The following DENND2A variants were observed in gnomAD, a reference collection of about 807,000 sequenced individuals.
DENND2A encodes DENN domain-containing protein 2A.
A neutral mutation model predicts 105.3 loss-of-function variants in DENND2A; 53 were observed. The ratio of observed to expected loss-of-function variants is 0.50; its 90% CI spans 0.40 to 0.63. The LOEUF is 0.63. Among genes scored for constraint, DENND2A ranks in the 30% least tolerant of loss-of-function variants. The pLI is 0.00. For synonymous variants in DENND2A, 522 were observed against 508.4 expected, an observed-to-expected ratio of 1.03 and a Z score of -0.36; for missense variants, 1,138 against 1,279.6, an observed-to-expected ratio of 0.89 and a Z score of 1.69.
rs555596416 is a variant in DENND2A at position 140,633,616 on chromosome 7, C to T, written c.-248+6888G>A. Reference sequence around the variant, plus strand: ...GGGAAGTGTGAGGGAGAGAGAGAGGCCCTTGAAATTGCTTTGCTAGGTTGG... The same window carrying T: ...GGGAAGTGTGAGGGAGAGAGAGAGGTCCTTGAAATTGCTTTGCTAGGTTGG... On this transcript the variant is annotated intron_variant, in intron 1 of 19. Coordinates refer to ENST00000496613, the MANE Select transcript of DENND2A (RefSeq NM_015689.5). 5.3e-5 allele frequency among the ~76,000 whole-genome samples: 8 copies of T among 152,190 alleles called. No individual in the cohort carries two copies. In the South Asian group the frequency reaches 1.5e-3, roughly 28 times the overall value.
chr7:140,587,264 A>C (rs1199979231), intron 4 of DENND2A, among the ~76,000 whole-genome samples: 7 of 152,172 alleles, frequency 4.6e-5, no homozygotes, highest in Admixed American at 4.6e-4. Flanking sequence ...AGCTAGCTTC[A>C]TCCTCATTAT....
At chr7:140,586,737 C>T (rs1278950206) in intron 4 of DENND2A, among the ~76,000 whole-genome samples, 1 of 152,196 alleles carries the variant, frequency 6.6e-6, no homozygotes, top group Non-Finnish European at 1.5e-5. Flanking sequence ...AGCCCATCTC[C>T]AGCAGCCTGG....
intron 12 of DENND2A, among the ~76,000 whole-genome samples, chr7:140,553,635 G>T (rs1797233385): frequency 6.6e-6 from 1 of 152,154 alleles, no homozygotes; most frequent in African/African-American, 2.4e-5. Context: ...CTAGGCAGAG[G>T]TCCCTGCGGC....
intron 6 of DENND2A, among the ~76,000 whole-genome samples, chr7:140,569,991 T>G (rs1488824189): frequency 5.3e-5 from 8 of 152,034 alleles, no homozygotes; most frequent in Non-Finnish European, 1.0e-4. Flanking sequence ...AACTTCTGGG[T>G]TCAAGAGATT....
rs771681826 is a variant in DENND2A, at chr7:140,555,665, G to A, written c.2008C>T (p.Arg670Cys). The change falls in exon 12 of 20, where the codon CGC (arginine) becomes TGC (cysteine). Residue 670 changes from arginine to cysteine, a missense_variant. Coordinates refer to ENST00000496613, the MANE Select transcript of DENND2A (RefSeq NM_015689.5). ...RLPEVYCIVSRLGCFSLFSRI... is the reference protein window; with the variant it reads ...RLPEVYCIVSCLGCFSLFSRI... ...GAAAAGAGGCTGAAGCATCCCAGGCGGCTCACAATGCAGTAAACTTCAGGA... is the reference window on the plus strand; with the variant it reads ...GAAAAGAGGCTGAAGCATCCCAGGCAGCTCACAATGCAGTAAACTTCAGGA... 21 of 1,608,870 alleles carry A rather than the reference G, an allele frequency of 1.3e-5. No homozygotes were observed. The highest frequency in any genetic ancestry group is 4.0e-5 in the African/African-American group (3 of 74,472).
chr7:140,518,540 G>C lies in DENND2A; in HGVS notation c.*167C>G. The stretch of plus-strand genomic sequence containing the variant: ...CTTTCTGGGGCTGTCCTCCCAGGCG[G>C]CTCCCAGGTCCTCATCCAGGGAAGA... On this transcript the variant is annotated 3_prime_UTR_variant, in exon 20 of 20. Coordinates refer to ENST00000496613, the MANE Select transcript of DENND2A (RefSeq NM_015689.5). The C allele has an allele frequency of 1.8e-6, 1 of 564,636 alleles. No homozygotes were observed. The highest frequency in any genetic ancestry group is 3.2e-5 in the East Asian group (1 of 31,342). The allele number at this position is 564,636 out of a possible 1,614,324, so 35.0% of individuals were successfully genotyped here.
rs369271982 is a variant in DENND2A at position 140,544,588 on chromosome 7, C to T, written c.2327+30G>A. On this transcript the variant is annotated intron_variant, in intron 14 of 19. Transcript: ENST00000496613. ...GGTCCAAGAGCGACTGTCATTCAAACGCTTTAGCAGAAGTAGCCAAGGCGG... is the reference window on the plus strand; with the variant it reads ...GGTCCAAGAGCGACTGTCATTCAAATGCTTTAGCAGAAGTAGCCAAGGCGG... 1,500 of 1,613,998 alleles carry T rather than the reference C, an allele frequency of 9.3e-4. 6 individuals carry two copies. The Middle Eastern group carries it at 0.013, about 14-fold the overall frequency.
chr7:140,521,772 G>A (rs1795867781), intron 18 of DENND2A, 83 bp downstream of exon 18: 1 of 1,573,456 alleles, frequency 6.4e-7, no homozygotes, highest in African/African-American at 1.3e-5. Context: ...CCCCTGCCCT[G>A]TGATCTTTCT....
chr7:140,564,444 G>C (rs1490659838), intron 9 of DENND2A, among the ~76,000 whole-genome samples: 2 of 152,108 alleles, frequency 1.3e-5, no homozygotes, highest in African/African-American at 4.8e-5. Flanking sequence ...TATTAAATAT[G>C]CTTATAAATA....
chr7:140,591,775 C>G (rs1799040205), intron 3 of DENND2A, among the ~76,000 whole-genome samples: 1 of 145,576 alleles, frequency 6.9e-6, no homozygotes, highest in Admixed American at 7.1e-5. Context: ...CTTTTCTTTC[C>G]TTCCTTTCTT....
At chr7:140,547,662 T>C (rs1367499752) in intron 12 of DENND2A, among the ~76,000 whole-genome samples, 2 of 152,162 alleles carry the variant, frequency 1.3e-5, no homozygotes, top group Non-Finnish European at 2.9e-5. Context: ...AAAACATATA[T>C]GTTCACATAA....
intron 1 of DENND2A, among the ~76,000 whole-genome samples, chr7:140,613,539 CAAAA>C (rs769852380): frequency 2.1e-5 from 2 of 94,306 alleles, no homozygotes; most frequent in Non-Finnish European, 2.3e-5. Context: ...GACTCTGTCT[CAAAA>C]AAAAAAAAAA....
Position 140,633,317 on chromosome 7 carries a change from C to T in DENND2A, c.-248+7187G>A, listed in dbSNP as rs1374683762. Among the ~76,000 whole-genome samples, 10 of 152,118 alleles carry T rather than the reference C, an allele frequency of 6.6e-5. 1 individual carries two copies. The highest frequency in any genetic ancestry group is 6.6e-4 in the Admixed American group (10 of 15,258). ...TGCTGGGATTACAGGCGTGAGCCAC[C>T]GTGCCTGGCCCTAATGTTTGTATTT... On this transcript the variant is annotated intron_variant, in intron 1 of 19. Coordinates refer to ENST00000496613, the MANE Select transcript of DENND2A (RefSeq NM_015689.5).
In DENND2A at chr7:140,560,632, A is replaced by G. The variant is rs180830537; in HGVS notation, c.1780-815T>C. Among the ~76,000 whole-genome samples the G allele has an allele frequency of 8.9e-3, 1,293 of 146,002 alleles. 9 individuals carry two copies. Among genetic ancestry groups the G allele is most frequent in the Non-Finnish European group, 0.015 (989 of 65,936 alleles). ...CATAGCAAGGTCCCACCTCTATGGG[A>G]AAAAAAAAAAGAACAAGGGCCGGGA... On this transcript the variant is annotated intron_variant, in intron 9 of 19. Transcript: ENST00000496613.
At chr7:140,616,221 G>T (rs1353669682) in intron 1 of DENND2A, among the ~76,000 whole-genome samples, 1 of 152,146 alleles carries the variant, frequency 6.6e-6, no homozygotes, top group Non-Finnish European at 1.5e-5. Flanking sequence ...ATAAAAATTA[G>T]CCAGGTGTGG....
At chr7:140,537,293 CTTAT>C (rs67106963) in intron 14 of DENND2A, among the ~76,000 whole-genome samples, 578 of 152,284 alleles carry the variant, frequency 3.8e-3, no homozygotes, top group Non-Finnish European at 6.4e-3. Flanking sequence ...TACATATGAA[CTTAT>C]TTGTGTAGTT....
At chr7:140,626,879 T>A (rs1800552468) in intron 1 of DENND2A, among the ~76,000 whole-genome samples, 1 of 152,190 alleles carries the variant, frequency 6.6e-6, no homozygotes, top group African/African-American at 2.4e-5. Context: ...GAGAGAGGGT[T>A]TATCATAAGG....
chr7:140,549,568 T>A (rs1243953844), intron 12 of DENND2A, among the ~76,000 whole-genome samples: 1 of 152,182 alleles, frequency 6.6e-6, no homozygotes, highest in African/African-American at 2.4e-5. Context: ...AATAGACAAT[T>A]AATAACATAA....
rs77797887 is a variant in DENND2A at position 140,526,677 on chromosome 7, G to A, written c.2505+641C>T. Reference sequence around the variant, plus strand: ...GCCGGTGGGTGATGTTTAATGGGGCGTTAGGACTATCTGGGCAATTAGAGG... The same window carrying A: ...GCCGGTGGGTGATGTTTAATGGGGCATTAGGACTATCTGGGCAATTAGAGG... On this transcript the variant is annotated intron_variant, in intron 15 of 19. Transcript: ENST00000496613. Among the ~76,000 whole-genome samples, 975 of 152,278 alleles carry A rather than the reference G, an allele frequency of 6.4e-3. 7 individuals carry two copies. The highest frequency in any genetic ancestry group is 0.022 in the African/African-American group (903 of 41,554).
Sources: allele counts gnomAD v4.1 joint callset (sites outside exome capture counted in the v4.1 genomes callset), GRCh38; gene constraint gnomAD v4.1.1; transcripts MANE v1.5; gene names NCBI Gene and HGNC (gene_info 2026-07-23, HGNC 2026-07-21).